The following AGPAT3 variants were observed in gnomAD, a reference collection of about 807,000 sequenced individuals.
AGPAT3 encodes 1-acylglycerol-3-phosphate O-acyltransferase 3.
Under a neutral mutation model 47.3 loss-of-function variants are expected in AGPAT3, and 5 were observed. The ratio of observed to expected loss-of-function variants is 0.11; its 90% CI spans 0.06 to 0.22. The LOEUF (loss-of-function observed/expected upper bound fraction) is 0.22, where lower values mean the gene tolerates loss of function less well. Among genes scored for constraint, AGPAT3 ranks in the 10% least tolerant of loss-of-function variants. AGPAT3 has a pLI of 1.00. For synonymous variants in AGPAT3, 212 were observed against 208.3 expected (o/e 1.02, Z -0.15); for missense variants, 315 against 493.0 (o/e 0.64, Z 3.42).
chr21:43,973,741 G>A (rs372382612), intron 7 of AGPAT3, among the ~76,000 whole-genome samples: 2 of 152,324 alleles, frequency 1.3e-5, no homozygotes, highest in African/African-American at 4.8e-5. Flanking sequence ...CCATCACAGC[G>A]CCAGGCTCCC....
chr21:43,911,953 C>G (rs1435471589), intron 2 of AGPAT3, among the ~76,000 whole-genome samples: 1 of 152,248 alleles, frequency 6.6e-6, no homozygotes, highest in South Asian at 2.1e-4. Flanking sequence ...AAAGCAAAGG[C>G]TGCCCCTGGA....
At chr21:43,898,560 T>C (rs945219014) in intron 1 of AGPAT3, among the ~76,000 whole-genome samples, 1 of 152,230 alleles carries the variant, frequency 6.6e-6, no homozygotes, top group Non-Finnish European at 1.5e-5. Context: ...GGAGTCTTGC[T>C]CTGTCGCCCA....
chr21:43,977,967 G>C, intron 7 of AGPAT3, 79 bp from the exon 8 acceptor site: 1 of 1,198,162 alleles, frequency 8.3e-7, no homozygotes. Context: ...CCTGGCACAC[G>C]ACATGTTCCC....
At chr21:43,911,448 C>T (rs901044030) in intron 2 of AGPAT3, among the ~76,000 whole-genome samples, 5 of 152,246 alleles carry the variant, frequency 3.3e-5, no homozygotes, top group Non-Finnish European at 5.9e-5. Context: ...GCCAACGCAG[C>T]GAGGCCTGTC....
intron 1 of AGPAT3, among the ~76,000 whole-genome samples, chr21:43,889,291 T>TG (rs1350064446): frequency 6.6e-6 from 1 of 151,490 alleles, no homozygotes; most frequent in Non-Finnish European, 1.5e-5. Context: ...TGTGGGTTTT[T>TG]TTTTTTTTTT....
chr21:43,943,684 G>T (rs2087751175), intron 2 of AGPAT3, among the ~76,000 whole-genome samples: 2 of 152,168 alleles, frequency 1.3e-5, no homozygotes, highest in South Asian at 4.1e-4. Context: ...GCCACGGCCT[G>T]TGTCACGGAG....
intron 2 of AGPAT3, among the ~76,000 whole-genome samples, chr21:43,909,754 C>T (rs1460718991): frequency 6.6e-6 from 1 of 152,230 alleles, no homozygotes; most frequent in Non-Finnish European, 1.5e-5. Context: ...GCCTGCAGGC[C>T]GGCTGTGGAT....
chr21:43,911,840 C>T (rs952203339), intron 2 of AGPAT3, among the ~76,000 whole-genome samples: 2 of 152,254 alleles, frequency 1.3e-5, no homozygotes, highest in Non-Finnish European at 1.5e-5. Flanking sequence ...CGGTGGCTTT[C>T]GTCTGACCAT....
chr21:43,937,558 TTTTTG>T (rs1180567240), intron 2 of AGPAT3, among the ~76,000 whole-genome samples: 1 of 152,142 alleles, frequency 6.6e-6, no homozygotes. Context: ...AAGGGAGTTT[TTTTTG>T]TTTTGTTTTG....
intron 2 of AGPAT3, among the ~76,000 whole-genome samples, chr21:43,905,245 A>G (rs1377685036): frequency 6.6e-6 from 1 of 151,370 alleles, no homozygotes; most frequent in Non-Finnish European, 1.5e-5. Context: ...GCTGGAGTGC[A>G]GTAGAACGAT....
At chr21:43,896,262 CT>C (rs1364450632) in intron 1 of AGPAT3, among the ~76,000 whole-genome samples, 3 of 152,150 alleles carry the variant, frequency 2.0e-5, no homozygotes, top group Non-Finnish European at 2.9e-5. Flanking sequence ...CTTTTTGTTA[CT>C]TTTTTTTCCC....
At chr21:43,962,291 C>T (rs4818876) in intron 3 of AGPAT3, among the ~76,000 whole-genome samples, 44,113 of 151,982 alleles carry the variant, frequency 0.29, 6,417 homozygotes, top group Admixed American at 0.34. Flanking sequence ...CGTGAGCCAC[C>T]GCGCCCGGCC....
intron 2 of AGPAT3, among the ~76,000 whole-genome samples, chr21:43,912,089 C>G (rs987834885): frequency 6.6e-6 from 1 of 152,248 alleles, no homozygotes; most frequent in Non-Finnish European, 1.5e-5. Context: ...TAGTCGTCCT[C>G]ACAGGCTCAG....
At chr21:43,973,228 T>C (rs1243199219) in intron 7 of AGPAT3, among the ~76,000 whole-genome samples, 1 of 152,234 alleles carries the variant, frequency 6.6e-6, no homozygotes, top group Admixed American at 6.5e-5. Flanking sequence ...CTCCCTTATG[T>C]GCCTAAAACC....
Position 43,880,020 on chromosome 21 carries a change from A to G in AGPAT3, c.-112+14675A>G, listed in dbSNP as rs1205991961. On this transcript the variant is annotated intron_variant, in intron 1 of 9. Transcript: ENST00000291572. The surrounding 1 kb of genome is among the most constrained non-coding windows in gnomAD (Gnocchi z 4.5). ...CGTCTCTGTTACTGTTTATTCTTGAAGAACAGGGCAGCATGACTCCGGGGC... is the reference window on the plus strand; with the variant it reads ...CGTCTCTGTTACTGTTTATTCTTGAGGAACAGGGCAGCATGACTCCGGGGC... Among the ~76,000 whole-genome samples, 1 of 152,222 alleles carries G rather than the reference A, an allele frequency of 6.6e-6. No homozygotes were observed. The highest frequency in any genetic ancestry group is 1.9e-4 in the East Asian group (1 of 5,184).
At chr21:43,940,384 G>A (rs2087614897) in intron 2 of AGPAT3, among the ~76,000 whole-genome samples, 1 of 152,192 alleles carries the variant, frequency 6.6e-6, no homozygotes, top group Non-Finnish European at 1.5e-5. Context: ...CCTTTACTGT[G>A]TGCTCCCCTC....
In AGPAT3 at chr21:43,868,094, G is replaced by C. The variant is rs150890775; in HGVS notation, c.-112+2749G>C. 2.9e-3 allele frequency among the ~76,000 whole-genome samples: 445 copies of C among 152,320 alleles called. 1 individual carries two copies. Among genetic ancestry groups the C allele is most frequent in the Middle Eastern group, 0.024 (7 of 294 alleles). On this transcript the variant is annotated intron_variant, in intron 1 of 9. Coordinates refer to ENST00000291572, the MANE Select transcript of AGPAT3 (RefSeq NM_020132.5). ...AAGCGGCCATGTTTTGATTATCTTTGTCAAGCAAAGTGCAGGAGACAGGCA... is the reference window on the plus strand; with the variant it reads ...AAGCGGCCATGTTTTGATTATCTTTCTCAAGCAAAGTGCAGGAGACAGGCA...
At chr21:43,971,516 C>T (rs760727709) in intron 7 of AGPAT3, 26 bp downstream of exon 7, 35 of 1,607,058 alleles carry the variant, frequency 2.2e-5, no homozygotes, top group East Asian at 1.3e-4. Context: ...GTGGCTCTCG[C>T]GCCGCCCCCC....
chr21:43,955,107 C>A lies in AGPAT3; in HGVS notation c.-48-4527C>A. On this transcript the variant is annotated intron_variant, in intron 2 of 9. Coordinates refer to ENST00000291572, the MANE Select transcript of AGPAT3 (RefSeq NM_020132.5). This position sits in a 1 kb window ranked among gnomAD's most constrained non-coding sequence, Gnocchi z 4.1. ...GTCGGCAGGGAGCGTATCACCGTGG[C>A]ACGTCCATGCCGTGGGGGTCACTCA... The A allele has an allele frequency of 7.9e-7, 1 of 1,269,912 alleles. No individual in the cohort carries two copies. Among genetic ancestry groups the A allele is most frequent in the South Asian group, 1.3e-5 (1 of 78,550 alleles). 78.7% of individuals were successfully genotyped at this position (1,269,912 alleles called of 1,614,324 possible).
Sources: allele counts gnomAD v4.1 joint callset (sites outside exome capture counted in the v4.1 genomes callset), GRCh38; gene constraint gnomAD v4.1.1; non-coding constraint Gnocchi (gnomAD v3.1); transcripts MANE v1.5; gene names NCBI Gene and HGNC (gene_info 2026-07-23, HGNC 2026-07-21).